Variants in PLK4 observed in about 807,000 individuals in gnomAD.
The protein encoded by PLK4 is serine/threonine-protein kinase PLK4.
PLK4 carries 51 observed loss-of-function variants against 103.0 expected under a neutral mutation model. That is an observed-to-expected ratio of 0.50 (90% confidence interval 0.40 to 0.63). The LOEUF (loss-of-function observed/expected upper bound fraction) is 0.63, where lower values mean the gene tolerates loss of function less well. PLK4 is among the 20% of genes least tolerant of loss of function. PLK4 has a pLI of 0.00. For missense variants in PLK4, 1,054 were observed against 1,151.0 expected, an observed-to-expected ratio of 0.92 and a Z score of 1.22; for synonymous variants, 389 against 376.8, an observed-to-expected ratio of 1.03 and a Z score of -0.38.
Position 127,895,055 on chromosome 4 carries a change from A to G in PLK4, c.2665A>G (p.Lys889Glu), listed in dbSNP as rs910445478. The G allele has an allele frequency of 6.2e-7, 1 of 1,612,540 alleles. No homozygotes were observed. Among genetic ancestry groups the G allele is most frequent in the African/African-American group, 1.3e-5 (1 of 74,856 alleles). ...DCLPKSAQLL[K>E]SVFVKNVGWA... is the part of the protein sequence containing the mutation. ...TCTTCCTAAATCAGCACAACTTTTG[A>G]AATCTGTTTTTGTGAAAAATGTTGG... Residue 889 changes from lysine (K) to glutamate (E), a missense_variant, in exon 14 of 16, where the codon AAA (lysine) becomes GAA (glutamate). This residue lies in a region of PLK4 where 167 missense variants were observed against 200.7 expected (regional missense o/e 0.83). Transcript: ENST00000270861.
At position 127,880,977 on chromosome 4, in the gene PLK4, A is replaced by C; in HGVS notation, c.-158A>C. The C allele has an allele frequency of 1.3e-6, 1 of 751,824 alleles. No individual in the cohort carries two copies. The highest frequency in any genetic ancestry group is 1.7e-5 in the South Asian group (1 of 59,956). The allele number at this position is 751,824 out of a possible 1,614,324, so 46.6% of individuals were successfully genotyped here. ...CACCGCCCAGGCCTCGGAAGGTGTC[A>C]GGGAGAACTTTCCGTGGTTTCAGCG... On this transcript the variant is annotated 5_prime_UTR_variant, in exon 1 of 16. Transcript: ENST00000270861.
rs1560697035 is a variant in PLK4 at position 127,890,084 on chromosome 4, TG to T, written c.1679del (p.Cys560LeufsTer28). On this transcript the variant is annotated frameshift_variant, in exon 7 of 16. Coordinates refer to ENST00000270861, the MANE Select transcript of PLK4 (RefSeq NM_014264.5). LOFTEE classifies it high-confidence loss of function. The part of the protein sequence containing the change: ...HSKPEIIQQE[C>X]VFGSDPLSEQ... ...TAAACCTGAGATAATCCAACAAGAATGTGTTTTTGGCTCAGATCCTCTTTCT... is the reference window on the plus strand; with the variant it reads ...TAAACCTGAGATAATCCAACAAGAATTGTTTTTGGCTCAGATCCTCTTTCT... The T allele has an allele frequency of 6.2e-7, 1 of 1,614,036 alleles. No homozygotes were observed. The highest frequency in any genetic ancestry group is 8.5e-7 in the Non-Finnish European group (1 of 1,179,944).
In PLK4 at chr4:127,896,816, G is replaced by A. The variant is rs778992899; in HGVS notation, c.2719G>A (p.Val907Met). 2.5e-6 allele frequency: 4 copies of A among 1,607,198 alleles called. No individual in the cohort carries two copies. Among genetic ancestry groups the A allele is most frequent in the Admixed American group, 3.3e-5 (2 of 59,916 alleles). Residue 907 changes from valine to methionine, a missense_variant, in exon 15 of 16, where the codon GTG becomes ATG. Val to Met is a conservative substitution (Grantham distance 21). Transcript: ENST00000270861. ...GWATQLTSGA[V>M]WVQFNDGSQL... ...ATTTTTCTAGTTAACTAGTGGAGCT[G>A]TGTGGGTTCAGTTTAATGATGGGTC...
At chr4:127,897,051 C>T (rs532892591) in intron 15 of PLK4, 144 bp downstream of exon 15, 1 of 557,236 alleles carries the variant, frequency 1.8e-6, no homozygotes, top group South Asian at 2.2e-5. Flanking sequence ...TTATTCTTAG[C>T]AATTCATGTA....
At position 127,881,144 on chromosome 4, in the gene PLK4, T is replaced by A. The variant is rs145837106; in HGVS notation, c.10T>A (p.Cys4Ser). MAT[C>S]IGEKIEDFKV... The stretch of plus-strand genomic sequence containing the variant: ...GCCAGAGCCTGGAAATATGGCGACC[T>A]GCATCGGGGAGAAGATCGAGGTGAA... Residue 4 changes from cysteine to serine, a missense_variant, in exon 1 of 16, where the codon TGC (cysteine) becomes AGC (serine). Cys to Ser is a moderately radical substitution (Grantham distance 112). This residue lies in a region of PLK4 where 199 missense variants were observed against 270.1 expected (regional missense o/e 0.74). Transcript: ENST00000270861. 9 of 1,613,874 alleles carry A rather than the reference T, an allele frequency of 5.6e-6. No individual in the cohort carries two copies. Among genetic ancestry groups the A allele is most frequent in the Non-Finnish European group, 7.6e-6 (9 of 1,179,982 alleles).
chr4:127,885,829 T>G lies in PLK4; in HGVS notation c.459T>G (p.Ala153=), dbSNP rs1411440452. The G allele has an allele frequency of 6.2e-7, 1 of 1,614,158 alleles. No homozygotes were observed. Among genetic ancestry groups the G allele is most frequent in the Admixed American group, 1.7e-5 (1 of 60,022 alleles). The change falls in exon 5 of 16, where the codon GCT becomes GCG. Residue 153 remains alanine (A), a synonymous_variant. Transcript: ENST00000270861. ...CTCGTAATATGAACATCAAGATTGCTGATTTTGGGCTGGCAACTCAACTGA... is the reference window on the plus strand; with the variant it reads ...CTCGTAATATGAACATCAAGATTGCGGATTTTGGGCTGGCAACTCAACTGA... ...LLTRNMNIKI[A]DFGLATQLKM...
rs1449509809 is a variant in PLK4 at position 127,886,373 on chromosome 4, T to C, written c.1003T>C (p.Ser335Pro). The change falls in exon 5 of 16, where the codon TCT becomes CCT. Residue 335 changes from serine (S) to proline (P), a missense_variant. This residue lies in a region of PLK4 where 680 missense variants were observed against 660.3 expected (regional missense o/e 1.03). Transcript: ENST00000270861. ...AAAGAATAAAAGTTCAACTGATTTT[T>C]CTTCTTCAGGAGATGGAAACAGTTT... ...FPKNKSSTDF[S>P]SSGDGNSFYT... The C allele has an allele frequency of 3.1e-6, 5 of 1,613,874 alleles. No individual in the cohort carries two copies. In the Admixed American group the frequency reaches 8.3e-5, roughly 27 times the overall value.
Position 127,893,790 on chromosome 4 carries a change from C to T in PLK4, c.2471C>T (p.Ser824Leu). Residue 824 changes from serine to leucine, a missense_variant, in exon 13 of 16, where the codon TCA (serine) becomes TTA (leucine). By Grantham distance (145) the Ser-to-Leu change is moderately radical (BLOSUM62 -2). This residue lies in a region of PLK4 where 167 missense variants were observed against 200.7 expected (regional missense o/e 0.83). Transcript: ENST00000270861. Reference sequence around the variant, plus strand: ...TTATCACCTCCTCCTTCTGTGGATTCAAATTACCCAACGAGAGAGAGAGCA... The same window carrying T: ...TTATCACCTCCTCCTTCTGTGGATTTAAATTACCCAACGAGAGAGAGAGCA... ...KALSPPPSVD[S>L]NYPTRERASF... The T allele has an allele frequency of 6.2e-7, 1 of 1,613,438 alleles. No individual in the cohort carries two copies. Among genetic ancestry groups the T allele is most frequent in the Non-Finnish European group, 8.5e-7 (1 of 1,179,412 alleles).
chr4:127,886,217 A>G lies in PLK4; in HGVS notation c.847A>G (p.Ile283Val), dbSNP rs1357878191. ...SKDLGTVEDS[I>V]DSGHATISTA... Reference sequence around the variant, plus strand: ...AGATTTAGGAACTGTGGAAGACTCAATTGATAGTGGGCATGCCACAATTTC... The same window carrying G: ...AGATTTAGGAACTGTGGAAGACTCAGTTGATAGTGGGCATGCCACAATTTC... The change falls in exon 5 of 16, where the codon ATT (isoleucine) becomes GTT (valine). Residue 283 changes from isoleucine (I) to valine (V), a missense_variant. By Grantham distance (29) the Ile-to-Val change is conservative. Around this residue, in one of 4 missense-constraint regions of PLK4, gnomAD observed 680 missense variants for 660.3 expected, o/e 1.03. Coordinates refer to ENST00000270861, the MANE Select transcript of PLK4 (RefSeq NM_014264.5). 17 of 1,614,032 alleles carry G rather than the reference A, an allele frequency of 1.1e-5. No homozygotes were observed. The highest frequency in any genetic ancestry group is 4.4e-5 in the South Asian group (4 of 91,080).
At position 127,883,565 on chromosome 4, in the gene PLK4, GTTT is replaced by G; in HGVS notation, c.337+18_337+20del. 8.4e-7 allele frequency: 1 copy of G among 1,194,556 alleles called. No homozygotes were observed. The highest frequency in any genetic ancestry group is 1.2e-6 in the Non-Finnish European group (1 of 818,718). The allele number at this position is 1,194,556 out of a possible 1,614,324, so 74.0% of individuals were successfully genotyped here. On this transcript the variant is annotated intron_variant, in intron 4 of 15. Coordinates refer to ENST00000270861, the MANE Select transcript of PLK4 (RefSeq NM_014264.5). Reference sequence around the variant, plus strand: ...CTCAGAAAATGAAGGTAGGTGTGTGGTTTTTTTTGTTTGTTTTGTTTGGGTGGA... The same window carrying G: ...CTCAGAAAATGAAGGTAGGTGTGTGGTTTTTGTTTGTTTTGTTTGGGTGGA...
At position 127,891,541 on chromosome 4, in the gene PLK4, T is replaced by C. The variant is rs767947612; in HGVS notation, c.1936-38T>C. The C allele has an allele frequency of 8.0e-5, 67 of 834,154 alleles. No individual in the cohort carries two copies. In the East Asian group the frequency reaches 1.8e-3, roughly 22 times the overall value. 51.7% of individuals were successfully genotyped at this position (834,154 alleles called of 1,614,324 possible). On this transcript the variant is annotated intron_variant, in intron 8 of 15. Transcript: ENST00000270861. ...AGCAAGATATAGTACTGGAACTTAA[T>C]GGCATGTAATTAGAATTTTAAAAAA...
rs777041245 is a variant in PLK4 at position 127,883,570 on chromosome 4, TTTTG to T, written c.337+25_337+28del. 4.3e-5 allele frequency: 46 copies of T among 1,060,610 alleles called. No individual in the cohort carries two copies. Among genetic ancestry groups the T allele is most frequent in the Non-Finnish European group, 6.2e-5 (43 of 698,078 alleles). The allele number at this position is 1,060,610 out of a possible 1,614,324, so 65.7% of individuals were successfully genotyped here. A position where few individuals can be genotyped will look rare whatever the true frequency, so the allele number is the denominator to read the frequency against. On this transcript the variant is annotated intron_variant, in intron 4 of 15. Coordinates refer to ENST00000270861, the MANE Select transcript of PLK4 (RefSeq NM_014264.5). Reference sequence around the variant, plus strand: ...AAAATGAAGGTAGGTGTGTGGTTTTTTTTGTTTGTTTTGTTTGGGTGGATAAAAG... The same window carrying T: ...AAAATGAAGGTAGGTGTGTGGTTTTTTTTGTTTTGTTTGGGTGGATAAAAG...
chr4:127,891,277 A>T, intron 8 of PLK4, 81 bp downstream of exon 8: 1 of 715,710 alleles, frequency 1.4e-6, no homozygotes, highest in Non-Finnish European at 2.3e-6. Context: ...TTTTACAATG[A>T]TGTAAGTTTT....
chr4:127,886,266 G>T lies in PLK4; in HGVS notation c.896G>T (p.Ser299Ile). Reference protein sequence around the residue: ...TISTAITASSSTSISGSLFDK... With the variant: ...TISTAITASSITSISGSLFDK... The stretch of plus-strand genomic sequence containing the variant: ...TCTACTGCAATTACAGCTTCTTCCA[G>T]TACCAGTATAAGTGGTAGTTTATTT... The change falls in exon 5 of 16, where the codon AGT becomes ATT. Residue 299 changes from serine to isoleucine, a missense_variant. This residue lies in a region of PLK4 where 680 missense variants were observed against 660.3 expected (regional missense o/e 1.03). Transcript: ENST00000270861. 2 of 1,613,862 alleles carry T rather than the reference G, an allele frequency of 1.2e-6. No homozygotes were observed. The highest frequency in any genetic ancestry group is 1.7e-6 in the Non-Finnish European group (2 of 1,179,738).
intron 10 of PLK4, chr4:127,892,839 T>C (rs1452689604): frequency 4.8e-6 from 1 of 210,386 alleles, no homozygotes; most frequent in African/African-American, 2.3e-5. Flanking sequence ...AATGGACATA[T>C]ACCAAATTAT....
intron 1 of PLK4, chr4:127,881,379 CTCCCCGCCCGGCAGTG>C: frequency 7.0e-7 from 1 of 1,429,204 alleles, no homozygotes; most frequent in African/African-American, 1.4e-5. Flanking sequence ...AGGTGAGTCC[CTCCCCGCCCGGCAGTG>C]TCCCGAGGCA....
chr4:127,893,421 A>AC lies in PLK4; in HGVS notation c.2322+4dup. On this transcript the variant is annotated splice_donor_region_variant and intron_variant, in intron 11 of 15. Transcript: ENST00000270861. Reference sequence around the variant, plus strand: ...TGTATATGGACCATGCTAATGAGGTACATACCTAATTGTAGGTTTTTCATA... The same window carrying AC: ...TGTATATGGACCATGCTAATGAGGTACCATACCTAATTGTAGGTTTTTCATA... 6.2e-7 allele frequency: 1 copy of AC among 1,604,098 alleles called. No individual in the cohort carries two copies.
In PLK4 at chr4:127,886,602, C is replaced by G. The variant is rs1379328798; in HGVS notation, c.1232C>G (p.Ser411Ter). 6.2e-7 allele frequency: 1 copy of G among 1,613,918 alleles called. No individual in the cohort carries two copies. The highest frequency in any genetic ancestry group is 1.1e-5 in the South Asian group (1 of 91,080). ...SAEMLSVSKR[S>*]GGGENEERYS... is the part of the protein sequence containing the mutation. Reference sequence around the variant, plus strand: ...GAAATGCTTTCAGTGTCCAAAAGATCAGGAGGAGGTGAAAATGAAGAGAGG... The same window carrying G: ...GAAATGCTTTCAGTGTCCAAAAGATGAGGAGGAGGTGAAAATGAAGAGAGG... The change falls in exon 5 of 16, where the codon TCA becomes TGA. Residue 411 changes from serine to a stop codon, truncating the protein, a stop_gained. Coordinates refer to ENST00000270861, the MANE Select transcript of PLK4 (RefSeq NM_014264.5). LOFTEE classifies it high-confidence loss of function.
At chr4:127,882,632 A>G (rs1734972629) in intron 2 of PLK4, among the ~76,000 whole-genome samples, 1 of 152,044 alleles carries the variant, frequency 6.6e-6, no homozygotes, top group African/African-American at 2.4e-5. Context: ...GGTGCTGCAC[A>G]CCTGTAATCC....
Sources: gnomAD v4.1 joint callset for allele counts (sites outside exome capture counted in the v4.1 genomes callset) on GRCh38, gnomAD v4.1.1 for gene constraint, gnomAD v4.1.1 regional missense constraint, MANE v1.5 for transcripts, NCBI Gene and HGNC (gene_info 2026-07-23, HGNC 2026-07-21) for gene names.